The following LRRC53 variants were observed in gnomAD, a reference collection of about 807,000 sequenced individuals.
The protein encoded by LRRC53 is leucine-rich repeat-containing protein 53.
LRRC53 carries 25 observed loss-of-function variants against 13.6 expected under a neutral mutation model. That is an observed-to-expected ratio of 1.83 (90% CI 1.34 to 2.56). LRRC53 has a LOEUF of 2.56. Ranked by LOEUF, LRRC53 falls within the 30% of genes most tolerant of loss-of-function variation. The pLI is 0.00. For synonymous variants in LRRC53, 204 were observed against 109.8 expected (o/e 1.86, Z -5.37); for missense variants, 527 against 275.8 (o/e 1.91, Z -6.45).
chr1:74,475,133 C>G (rs531207956), intron 4 of LRRC53, among the ~76,000 whole-genome samples, 162 bp downstream of exon 4: 2 of 151,332 alleles, frequency 1.3e-5, no homozygotes, highest in African/African-American at 4.8e-5. Flanking sequence ...CACACACACA[C>G]ACACACACAC....
chr1:74,531,870 C>T, the LRRC53 span, among the ~76,000 whole-genome samples: 10 of 152,150 alleles, frequency 6.6e-5, no homozygotes, highest in East Asian at 3.8e-4. Context: ...TTATGACAGA[C>T]GGCAATAAAC....
chr1:74,532,942 G>C, the LRRC53 span, among the ~76,000 whole-genome samples: 8 of 152,092 alleles, frequency 5.3e-5, no homozygotes, highest in African/African-American at 1.9e-4. Context: ...TTAAACGCTA[G>C]ACCTAAAACC....
chr1:74,481,400 A>G (rs1193178812), intron 2 of LRRC53, among the ~76,000 whole-genome samples: 1 of 152,172 alleles, frequency 6.6e-6, no homozygotes, highest in Non-Finnish European at 1.5e-5. Context: ...GTTCCATAGC[A>G]ATGTGTATTT....
At chr1:74,481,550 A>T (rs1381572404) in intron 2 of LRRC53, among the ~76,000 whole-genome samples, 34 of 152,222 alleles carry the variant, frequency 2.2e-4, no homozygotes, top group Admixed American at 2.2e-3. Flanking sequence ...TTCAATCCAG[A>T]CAACCCAAGT....
chr1:74,487,965 G>A (rs1668852256), intron 1 of LRRC53, among the ~76,000 whole-genome samples: 1 of 152,100 alleles, frequency 6.6e-6, no homozygotes, highest in Admixed American at 6.6e-5. Context: ...AGGGTCTAGG[G>A]TATAACTAAG....
intron 3 of LRRC53, among the ~76,000 whole-genome samples, chr1:74,478,391 G>C (rs1313649347): frequency 1.3e-5 from 2 of 152,014 alleles, no homozygotes; most frequent in African/African-American, 4.8e-5. Context: ...GAATCTTCTA[G>C]AATTTGTATT....
At chr1:74,476,108 C>T (rs1384814894) in intron 3 of LRRC53, among the ~76,000 whole-genome samples, 1 of 152,084 alleles carries the variant, frequency 6.6e-6, no homozygotes, top group Non-Finnish European at 1.5e-5. Context: ...TAAAACAGTT[C>T]CTGCAGTAAC....
At chr1:74,521,173 G>T in the LRRC53 span, among the ~76,000 whole-genome samples, 1 of 152,202 alleles carries the variant, frequency 6.6e-6, no homozygotes, top group Non-Finnish European at 1.5e-5. Context: ...TGGAGGTTGT[G>T]TATTGTAGTT....
At chr1:74,525,406 A>G in the LRRC53 span, among the ~76,000 whole-genome samples, 1 of 152,208 alleles carries the variant, frequency 6.6e-6, no homozygotes, top group South Asian at 2.1e-4. Context: ...TAAGGACAGC[A>G]GCTAGGAAGT....
At chr1:74,502,258 C>T (rs1669671466) in intron 1 of LRRC53, among the ~76,000 whole-genome samples, 1 of 152,178 alleles carries the variant, frequency 6.6e-6, no homozygotes, top group Non-Finnish European at 1.5e-5. Context: ...GCTGCTGTTT[C>T]TCCAGTACTT....
the LRRC53 span, among the ~76,000 whole-genome samples, chr1:74,517,989 CA>C: frequency 5.9e-5 from 9 of 152,282 alleles, no homozygotes; most frequent in Non-Finnish European, 7.3e-5. Flanking sequence ...TGACTGTGGT[CA>C]GCATACGGTG....
rs1389109493 is a variant in LRRC53 at position 74,497,384 on chromosome 1, C to T, written c.-26-14009G>A. On this transcript the variant is annotated intron_variant, in intron 1 of 4. Coordinates refer to ENST00000294635, the MANE Select transcript of LRRC53 (RefSeq NM_001382280.1). ...TTTTGTACTAAAATTTTCAAATATTCCCTTTTCTTCCAATCTTTCTATCCT... is the reference window on the plus strand; with the variant it reads ...TTTTGTACTAAAATTTTCAAATATTTCCTTTTCTTCCAATCTTTCTATCCT... Among the ~76,000 whole-genome samples, 5 of 152,140 alleles carry T rather than the reference C, an allele frequency of 3.3e-5. No individual in the cohort carries two copies. In the East Asian group the frequency reaches 9.6e-4, roughly 29 times the overall value.
Position 74,470,445 on chromosome 1 carries a change from A to G in LRRC53, c.3177T>C (p.Ile1059=). ...TTCTGGGCAATGCATTTGTGCTGTC[A>G]ATTCCTTTTTCGCTACTATTGGTTA... The part of the protein sequence containing the change: ...WHLTNSSEKG[I]DSTNALPRND... Residue 1059 remains isoleucine, a synonymous_variant, in exon 5 of 5, where the codon ATT becomes ATC. Transcript: ENST00000294635. 2 of 400,672 alleles carry G rather than the reference A, an allele frequency of 5.0e-6. No individual in the cohort carries two copies. The allele number at this position is 400,672 out of a possible 1,614,324, so 24.8% of individuals were successfully genotyped here.
At chr1:74,517,717 G>A in the LRRC53 span, among the ~76,000 whole-genome samples, 1 of 152,052 alleles carries the variant, frequency 6.6e-6, no homozygotes, top group African/African-American at 2.4e-5. Context: ...CTGGTAAACC[G>A]AAAAAGGATT....
chr1:74,484,750 C>T (rs548541147), intron 1 of LRRC53, among the ~76,000 whole-genome samples: 2 of 152,026 alleles, frequency 1.3e-5, no homozygotes, highest in East Asian at 3.9e-4. Context: ...TTGTTGTATA[C>T]CTTAGAGATG....
At chr1:74,495,154 G>C (rs1436123603) in intron 1 of LRRC53, among the ~76,000 whole-genome samples, 3 of 152,098 alleles carry the variant, frequency 2.0e-5, no homozygotes, top group Non-Finnish European at 4.4e-5. Flanking sequence ...ACTCTGATAA[G>C]GGTGTATCTG....
At chr1:74,511,695 C>T (rs1395969543) in intron 1 of LRRC53, among the ~76,000 whole-genome samples, 4 of 151,984 alleles carry the variant, frequency 2.6e-5, no homozygotes, top group Non-Finnish European at 4.4e-5. Context: ...GAGAAACACA[C>T]AGGAAGATAA....
chr1:74,530,048 T>C, the LRRC53 span, among the ~76,000 whole-genome samples: 1 of 152,152 alleles, frequency 6.6e-6, no homozygotes, highest in Admixed American at 6.5e-5. Flanking sequence ...CACTGCAACC[T>C]CTACCTCCTG....
intron 1 of LRRC53, among the ~76,000 whole-genome samples, chr1:74,497,932 C>A (rs921140121): frequency 1.3e-5 from 2 of 152,062 alleles, no homozygotes. Context: ...GTGATACTGT[C>A]GCTCTCTCTC....
Sources: allele counts gnomAD v4.1 joint callset (sites outside exome capture counted in the v4.1 genomes callset), GRCh38; gene constraint gnomAD v4.1.1; transcripts MANE v1.5; gene names NCBI Gene and HGNC (gene_info 2026-07-23, HGNC 2026-07-21).